Variants in MYOM1 observed in about 807,000 individuals in gnomAD.
MYOM1 encodes myomesin-1.
Under a neutral mutation model 205.3 loss-of-function variants are expected in MYOM1, and 164 were observed. The observed-to-expected ratio is 0.80, with a 90% CI of 0.70 to 0.91. The LOEUF (loss-of-function observed/expected upper bound fraction) is 0.91. MYOM1 is among the 40% of genes least tolerant of loss of function. The pLI, the probability that MYOM1 is intolerant of heterozygous loss-of-function variation, is 0.00. For synonymous variants in MYOM1, 772 were observed against 789.4 expected (o/e 0.98, Z 0.37); for missense variants, 2,011 against 2,127.3 (o/e 0.95, Z 1.08).
At chr18:3,083,427 C>CTTTTTTTTTTTTTTTTTTT (rs35959808) in intron 33 of MYOM1, among the ~76,000 whole-genome samples, 14 of 98,550 alleles carry the variant, frequency 1.4e-4, no homozygotes, top group East Asian at 9.0e-4. Flanking sequence ...TTTTCTTTTT[C>CTTTTTTTTTTTTTTTTTTT]TTTTTTTTTT....
chr18:3,138,285 C>T lies in MYOM1; in HGVS notation c.2026-2555G>A, dbSNP rs116188292. Among the ~76,000 whole-genome samples the T allele has an allele frequency of 5.4e-3, 820 of 152,062 alleles. 8 individuals carry two copies. Among genetic ancestry groups the T allele is most frequent in the African/African-American group, 0.018 (756 of 41,534 alleles). ...CTTTTCTGAAGTCCAGATCTCGTGACAGGTTGACCAGCTGTCAGGATGGTA... is the reference window on the plus strand; with the variant it reads ...CTTTTCTGAAGTCCAGATCTCGTGATAGGTTGACCAGCTGTCAGGATGGTA... On this transcript the variant is annotated intron_variant, in intron 14 of 37. Coordinates refer to ENST00000356443, the MANE Select transcript of MYOM1 (RefSeq NM_003803.4).
chr18:3,224,455 G>A (rs749720152), upstream of MYOM1, among the ~76,000 whole-genome samples: 1 of 152,202 alleles, frequency 6.6e-6, no homozygotes, highest in Non-Finnish European at 1.5e-5. Flanking sequence ...TTTTGGAAAG[G>A]GGAAGAAGTG....
At chr18:3,116,201 G>C in intron 21 of MYOM1, 130 bp downstream of exon 21, 2 of 947,044 alleles carry the variant, frequency 2.1e-6, no homozygotes, top group Non-Finnish European at 3.1e-6. Context: ...CTCTGCCAGT[G>C]GAATCTTACC....
intron 11 of MYOM1, among the ~76,000 whole-genome samples, chr18:3,153,819 G>C (rs2080253815): frequency 6.6e-6 from 1 of 152,176 alleles, no homozygotes. Flanking sequence ...TCTACAATGA[G>C]ATTTCATTAC....
At chr18:3,091,807 T>C (rs548744788) in intron 26 of MYOM1, among the ~76,000 whole-genome samples, 119 of 150,988 alleles carry the variant, frequency 7.9e-4, no homozygotes, top group African/African-American at 2.4e-3. Flanking sequence ...TCTTGGCTAA[T>C]TGCAACCTCG....
At position 3,213,776 on chromosome 18, in the gene MYOM1, T is replaced by C. The variant is rs559632320; in HGVS notation, c.290+1158A>G. Among the ~76,000 whole-genome samples the C allele has an allele frequency of 9.2e-5, 14 of 152,376 alleles. No homozygotes were observed. The South Asian group carries it at 2.5e-3, about 27-fold the overall frequency. On this transcript the variant is annotated intron_variant, in intron 2 of 37. Transcript: ENST00000356443. The stretch of plus-strand genomic sequence containing the variant: ...AAGAATAAAACATCTCACTCTTGCC[T>C]GCAGGATCTTAGTTGCTTAATTGAA...
chr18:3,070,735 TTTGTG>T (rs1224808492), intron 37 of MYOM1, among the ~76,000 whole-genome samples: 7 of 94,444 alleles, frequency 7.4e-5, no homozygotes, highest in African/African-American at 3.8e-4. Flanking sequence ...GTGCATGTTC[TTTGTG>T]TGTGTGTGTG....
chr18:3,129,264 T>C lies in MYOM1; in HGVS notation c.2762A>G (p.Lys921Arg). The C allele has an allele frequency of 1.2e-6, 2 of 1,613,960 alleles. No individual in the cohort carries two copies. The highest frequency in any genetic ancestry group is 1.7e-6 in the Non-Finnish European group (2 of 1,179,840). ...PQKAAPQGKS[K>R]SDPLKKKTDR... ...TGTCTTCTTTTTCAGGGGGTCAGAC[T>C]TACTTTTCCCCTGAGGAGCCGCTTT... Residue 921 changes from lysine to arginine, a missense_variant, in exon 18 of 38, where the codon AAG (lysine) becomes AGG (arginine). Lys to Arg is a conservative substitution (Grantham distance 26). Transcript: ENST00000356443.
intron 10 of MYOM1, among the ~76,000 whole-genome samples, chr18:3,162,117 T>G (rs762335788): frequency 2.2e-4 from 33 of 152,288 alleles, no homozygotes; most frequent in Non-Finnish European, 4.1e-4. Flanking sequence ...CCTGCATTGT[T>G]TATATTTTAA....
At chr18:3,160,213 G>T (rs1247225183) in intron 10 of MYOM1, among the ~76,000 whole-genome samples, 1 of 148,090 alleles carries the variant, frequency 6.8e-6, no homozygotes, top group African/African-American at 2.5e-5. Flanking sequence ...TTTGAGACAG[G>T]GTCTCGTTCT....
At chr18:3,157,429 G>A (rs2080316580) in intron 10 of MYOM1, among the ~76,000 whole-genome samples, 1 of 151,916 alleles carries the variant, frequency 6.6e-6, no homozygotes, top group Admixed American at 6.6e-5. Flanking sequence ...AGTGGGTCAC[G>A]CCTGTAATCC....
At chr18:3,201,943 C>T (rs187570717) in intron 2 of MYOM1, among the ~76,000 whole-genome samples, 33 of 152,124 alleles carry the variant, frequency 2.2e-4, no homozygotes, top group Admixed American at 1.4e-3. Flanking sequence ...TGCACCCAGG[C>T]TTCTCTTAAA....
chr18:3,247,003 G>C, the MYOM1 span: 1 of 152,232 alleles, frequency 6.6e-6, no homozygotes, highest in Admixed American at 6.5e-5. Flanking sequence ...TCACCAAGTC[G>C]CAAGTCCTAA....
At chr18:3,105,133 A>G (rs2079436052) in intron 22 of MYOM1, among the ~76,000 whole-genome samples, 1 of 152,180 alleles carries the variant, frequency 6.6e-6, no homozygotes, top group Non-Finnish European at 1.5e-5. Context: ...AAAGACAGGG[A>G]GGTAAGAAGC....
chr18:3,177,526 CA>C (rs977864123), intron 5 of MYOM1, among the ~76,000 whole-genome samples: 11 of 151,282 alleles, frequency 7.3e-5, no homozygotes, highest in African/African-American at 2.7e-4. Context: ...GGCTGGAGTG[CA>C]ATGGCATCAT....
intron 8 of MYOM1, among the ~76,000 whole-genome samples, chr18:3,169,802 T>C (rs1027344960): frequency 2.6e-5 from 4 of 152,202 alleles, no homozygotes; most frequent in Non-Finnish European, 5.9e-5. Context: ...GGTTTATATC[T>C]TAAAGAAAGG....
chr18:3,169,219 G>T (rs2080518580), intron 8 of MYOM1, among the ~76,000 whole-genome samples: 1 of 152,004 alleles, frequency 6.6e-6, no homozygotes, highest in African/African-American at 2.4e-5. Context: ...TTTTATTATT[G>T]TAATGAATAG....
At chr18:3,202,748 C>G (rs1488096198) in intron 2 of MYOM1, among the ~76,000 whole-genome samples, 1 of 151,956 alleles carries the variant, frequency 6.6e-6, no homozygotes, top group Non-Finnish European at 1.5e-5. Context: ...ACTGATAGAA[C>G]AACTAGATTT....
chr18:3,079,908 G>A (rs575389554), intron 33 of MYOM1, among the ~76,000 whole-genome samples: 2 of 152,294 alleles, frequency 1.3e-5, no homozygotes, highest in South Asian at 4.1e-4. Flanking sequence ...AATGAGGCAT[G>A]TTCTCTGTCC....
Sources: gnomAD v4.1 joint callset for allele counts (sites outside exome capture counted in the v4.1 genomes callset) on GRCh38, gnomAD v4.1.1 for gene constraint, MANE v1.5 for transcripts, NCBI Gene and HGNC (gene_info 2026-07-23, HGNC 2026-07-21) for gene names.